EXOC6B: variants seen among roughly 807,000 people sequenced by gnomAD.
EXOC6B encodes exocyst complex component 6B.
Under a neutral mutation model 113.5 loss-of-function variants are expected in EXOC6B, and 54 were observed. That is an observed-to-expected ratio of 0.48 (90% CI 0.38 to 0.60). The LOEUF is 0.60. EXOC6B is among the 20% of genes least tolerant of loss of function. EXOC6B has a pLI of 0.00. For synonymous variants in EXOC6B, 357 were observed against 339.0 expected (o/e 1.05, Z -0.58); for missense variants, 797 against 977.5 (o/e 0.82, Z 2.46).
intron 1 of EXOC6B, among the ~76,000 whole-genome samples, chr2:72,773,692 T>C (rs1407412898): frequency 6.6e-6 from 1 of 152,020 alleles, no homozygotes; most frequent in South Asian, 2.1e-4. Flanking sequence ...TTTATACAAA[T>C]AAAAAACAAA....
At chr2:72,700,876 G>C (rs1035642221) in intron 6 of EXOC6B, among the ~76,000 whole-genome samples, 1 of 152,096 alleles carries the variant, frequency 6.6e-6, no homozygotes, top group Non-Finnish European at 1.5e-5. Context: ...GCTTGAACTT[G>C]GGAGACAGAG....
chr2:72,488,681 CA>C (rs1050109585), intron 16 of EXOC6B, among the ~76,000 whole-genome samples: 1 of 152,074 alleles, frequency 6.6e-6, no homozygotes, highest in Non-Finnish European at 1.5e-5. Context: ...ATCCAATCAT[CA>C]GGAAAGCATG....
chr2:72,454,416 G>A (rs1361249204), intron 18 of EXOC6B, among the ~76,000 whole-genome samples: 1 of 152,066 alleles, frequency 6.6e-6, no homozygotes, highest in African/African-American at 2.4e-5. Flanking sequence ...GTTGTGGGCG[G>A]ATTGCTTGAG....
At chr2:72,512,700 A>G (rs1701004841) in intron 11 of EXOC6B, among the ~76,000 whole-genome samples, 2 of 152,000 alleles carry the variant, frequency 1.3e-5, no homozygotes, top group South Asian at 4.1e-4. Context: ...CTAGAGTCAG[A>G]CCATCTGGGT....
chr2:72,343,284 G>A (rs909621378), intron 19 of EXOC6B, among the ~76,000 whole-genome samples: 20 of 152,056 alleles, frequency 1.3e-4, no homozygotes, highest in African/African-American at 4.8e-4. Flanking sequence ...AAAGTTAGCC[G>A]GGTGTGGTGA....
chr2:72,253,607 C>T (rs1202558313), intron 20 of EXOC6B, among the ~76,000 whole-genome samples: 2 of 152,170 alleles, frequency 1.3e-5, no homozygotes, highest in South Asian at 2.1e-4. Context: ...GAAAACCAAA[C>T]ACCGCATGTT....
chr2:72,621,841 G>A (rs1224726244), intron 6 of EXOC6B, among the ~76,000 whole-genome samples: 1 of 151,988 alleles, frequency 6.6e-6, no homozygotes, highest in African/African-American at 2.4e-5. Flanking sequence ...CTCATCAAAG[G>A]AAGAGCTTGG....
intron 6 of EXOC6B, among the ~76,000 whole-genome samples, chr2:72,648,083 G>A (rs1308606274): frequency 1.3e-5 from 2 of 152,184 alleles, no homozygotes; most frequent in East Asian, 3.9e-4. Flanking sequence ...ACATTTACAA[G>A]AAAAAAGCAA....
intron 3 of EXOC6B, among the ~76,000 whole-genome samples, chr2:72,732,385 C>T (rs1680700659): frequency 6.6e-6 from 1 of 152,086 alleles, no homozygotes; most frequent in African/African-American, 2.4e-5. Context: ...TGGTCTCAAA[C>T]TCCTGGCCTC....
chr2:72,666,780 G>GACAC (rs71404724), intron 6 of EXOC6B, among the ~76,000 whole-genome samples: 1,854 of 81,200 alleles, frequency 0.023, 36 homozygotes, highest in African/African-American at 0.048. Context: ...ATTTACAATA[G>GACAC]ACACACACAC....
intron 10 of EXOC6B, among the ~76,000 whole-genome samples, chr2:72,513,548 G>A (rs1197580407): frequency 2.6e-5 from 4 of 151,742 alleles, no homozygotes; most frequent in African/African-American, 9.7e-5. Context: ...AATGTGTAGA[G>A]GTAATGGAGG....
At chr2:72,761,623 T>C (rs528093117) in intron 1 of EXOC6B, among the ~76,000 whole-genome samples, 73 of 152,314 alleles carry the variant, frequency 4.8e-4, no homozygotes, top group Non-Finnish European at 6.8e-4. Flanking sequence ...GCAAATTAAA[T>C]AGACACTGTT....
At chr2:72,808,391 T>A (rs1390609424) in intron 1 of EXOC6B, among the ~76,000 whole-genome samples, 1 of 152,200 alleles carries the variant, frequency 6.6e-6, no homozygotes, top group East Asian at 1.9e-4. Context: ...ACTAGTAGAC[T>A]ATAAGTTACA....
intron 18 of EXOC6B, among the ~76,000 whole-genome samples, chr2:72,387,153 A>G (rs1692079849): frequency 6.6e-6 from 1 of 152,188 alleles, no homozygotes; most frequent in South Asian, 2.1e-4. Flanking sequence ...GGATACACTC[A>G]CACACACAGT....
chr2:72,321,026 G>A (rs948600248), intron 20 of EXOC6B, among the ~76,000 whole-genome samples: 12 of 151,928 alleles, frequency 7.9e-5, no homozygotes, highest in South Asian at 2.1e-4. Context: ...GAAAACCTCC[G>A]CGACATATGT....
At chr2:72,265,525 T>C (rs1234275773) in intron 20 of EXOC6B, among the ~76,000 whole-genome samples, 5 of 151,924 alleles carry the variant, frequency 3.3e-5, no homozygotes, top group East Asian at 1.9e-4. Context: ...GTCCTTGCGA[T>C]AGTTTACTGA....
intron 19 of EXOC6B, among the ~76,000 whole-genome samples, chr2:72,358,847 C>T (rs368993552): frequency 8.5e-5 from 13 of 152,294 alleles, no homozygotes; most frequent in African/African-American, 2.9e-4. Flanking sequence ...CTAGTTTTCT[C>T]TATTATTCAC....
At chr2:72,631,221 T>TAC (rs1672371966) in intron 6 of EXOC6B, among the ~76,000 whole-genome samples, 1 of 151,728 alleles carries the variant, frequency 6.6e-6, no homozygotes, top group Non-Finnish European at 1.5e-5. Context: ...TGTGTATATA[T>TAC]GTGTGTGTAC....
chr2:72,438,355 T>A (rs977128840), intron 18 of EXOC6B, among the ~76,000 whole-genome samples: 2 of 151,152 alleles, frequency 1.3e-5, no homozygotes, highest in South Asian at 4.2e-4. Flanking sequence ...TCACACATCA[T>A]CCCAGTGCTC....
Sources: gnomAD v4.1 joint callset for allele counts (sites outside exome capture counted in the v4.1 genomes callset) on GRCh38, gnomAD v4.1.1 for gene constraint, MANE v1.5 for transcripts, NCBI Gene and HGNC (gene_info 2026-07-23, HGNC 2026-07-21) for gene names.